Variants in FOXO3 observed in about 807,000 individuals in gnomAD.
FOXO3 encodes the protein forkhead box O3.
FOXO3 carries 4 observed loss-of-function variants against 41.9 expected under a neutral mutation model. The observed-to-expected ratio is 0.10, with a 90% confidence interval of 0.05 to 0.22. The LOEUF is 0.22. FOXO3 is among the 10% of genes least tolerant of loss of function. FOXO3 has a pLI of 1.00. For missense variants in FOXO3, 534 were observed against 906.8 expected, an observed-to-expected ratio of 0.59 and a Z score of 5.28; for synonymous variants, 318 against 389.3, an observed-to-expected ratio of 0.82 and a Z score of 2.16.
At chr6:108,618,812 TG>T (rs1003343486) in intron 1 of FOXO3, among the ~76,000 whole-genome samples, 2 of 152,204 alleles carry the variant, frequency 1.3e-5, no homozygotes, top group Non-Finnish European at 2.9e-5. Flanking sequence ...CCTTTTGTGC[TG>T]CTCTCTTCTC....
chr6:108,607,921 A>C (rs757320953), intron 1 of FOXO3, among the ~76,000 whole-genome samples: 56 of 152,348 alleles, frequency 3.7e-4, no homozygotes, highest in Middle Eastern at 3.4e-3. Flanking sequence ...ATGTTCTTTA[A>C]CAGTAGATTA....
At chr6:108,573,303 G>A (rs1776162260) in intron 1 of FOXO3, among the ~76,000 whole-genome samples, 1 of 151,768 alleles carries the variant, frequency 6.6e-6, no homozygotes, top group East Asian at 1.9e-4. Flanking sequence ...AAATAAATAA[G>A]TAAGTAAGTA....
chr6:108,599,556 C>G (rs1210037531), intron 1 of FOXO3, among the ~76,000 whole-genome samples: 1 of 152,122 alleles, frequency 6.6e-6, no homozygotes, highest in Non-Finnish European at 1.5e-5. Context: ...CATGCTTCTT[C>G]GTGGTCTTTT....
chr6:108,665,145 G>C (rs921678782), intron 2 of FOXO3, among the ~76,000 whole-genome samples: 4 of 152,176 alleles, frequency 2.6e-5, no homozygotes, highest in Non-Finnish European at 5.9e-5. Context: ...GAACACGTAC[G>C]CATTCAGAGA....
At chr6:108,646,690 G>A (rs1336760176) in intron 1 of FOXO3, among the ~76,000 whole-genome samples, 1 of 152,190 alleles carries the variant, frequency 6.6e-6, no homozygotes, top group Non-Finnish European at 1.5e-5. Context: ...AGGTTTTCTT[G>A]GAGATGGGAA....
intron 2 of FOXO3, among the ~76,000 whole-genome samples, chr6:108,668,985 G>A (rs1402748565): frequency 6.6e-6 from 1 of 152,068 alleles, no homozygotes; most frequent in East Asian, 1.9e-4. Flanking sequence ...GGTGGCGGGC[G>A]CCTGTAGTCC....
chr6:108,642,143 C>G (rs1160739175), intron 1 of FOXO3, among the ~76,000 whole-genome samples: 7 of 143,160 alleles, frequency 4.9e-5, no homozygotes, highest in Non-Finnish European at 1.1e-4. Flanking sequence ...GGCTAGAGTA[C>G]AGAGGCACGA....
intron 1 of FOXO3, among the ~76,000 whole-genome samples, chr6:108,575,370 T>A: frequency 6.7e-6 from 1 of 149,700 alleles, no homozygotes. Flanking sequence ...TTTATTTTAC[T>A]TAATACCTAA....
At chr6:108,616,052 A>G (rs1260726741) in intron 1 of FOXO3, among the ~76,000 whole-genome samples, 2 of 150,628 alleles carry the variant, frequency 1.3e-5, no homozygotes, top group African/African-American at 2.4e-5. Context: ...CAATGGCGCA[A>G]TCTTGGCTCA....
At chr6:108,639,673 T>G (rs2128378783) in intron 1 of FOXO3, 1 of 548,068 alleles carries the variant, frequency 1.8e-6, no homozygotes, top group Admixed American at 6.4e-5. Flanking sequence ...ATAAATAAAA[T>G]CCAGATACTG....
intron 2 of FOXO3, among the ~76,000 whole-genome samples, chr6:108,674,237 A>G (rs1191330371): frequency 2.6e-5 from 4 of 152,170 alleles, no homozygotes; most frequent in Non-Finnish European, 4.4e-5. Flanking sequence ...AGCAGTTGCA[A>G]TGAAAGGATG....
chr6:108,669,649 G>A (rs1779157911), intron 2 of FOXO3, among the ~76,000 whole-genome samples: 1 of 152,182 alleles, frequency 6.6e-6, no homozygotes, highest in Non-Finnish European at 1.5e-5. Context: ...GATCTTTTTA[G>A]TGTCGATGAG....
At chr6:108,635,691 G>A (rs111521454) in intron 1 of FOXO3, among the ~76,000 whole-genome samples, 3,186 of 152,262 alleles carry the variant, frequency 0.021, 109 homozygotes, top group African/African-American at 0.07. Context: ...CAGGGGTGGC[G>A]AAACGATTGG....
chr6:108,607,453 A>C (rs1444176632), intron 1 of FOXO3, among the ~76,000 whole-genome samples: 1 of 151,800 alleles, frequency 6.6e-6, no homozygotes, highest in African/African-American at 2.4e-5. Context: ...ATCTCAAAAA[A>C]AAAAAAAAAA....
intron 1 of FOXO3, among the ~76,000 whole-genome samples, chr6:108,631,858 A>G (rs886067450): frequency 1.3e-5 from 2 of 152,142 alleles, no homozygotes; most frequent in African/African-American, 4.8e-5. Context: ...CACATGTGAC[A>G]TTTGGATATT....
At chr6:108,670,979 A>T (rs534549847) in intron 2 of FOXO3, among the ~76,000 whole-genome samples, 3 of 152,352 alleles carry the variant, frequency 2.0e-5, no homozygotes, top group Admixed American at 2.0e-4. Context: ...GTGGGTAAAA[A>T]GGGTCCCTCC....
intron 1 of FOXO3, among the ~76,000 whole-genome samples, chr6:108,580,985 A>G (rs942935477): frequency 2.6e-5 from 4 of 152,250 alleles, no homozygotes; most frequent in Admixed American, 1.3e-4. Context: ...TCACAGATTC[A>G]GAAATGAGAC....
At chr6:108,675,814 G>A (rs1770566205) in intron 2 of FOXO3, among the ~76,000 whole-genome samples, 1 of 152,102 alleles carries the variant, frequency 6.6e-6, no homozygotes, top group African/African-American at 2.4e-5. Context: ...TTAGGGTCCT[G>A]TTCTGTTCTT....
chr6:108,567,917 G>T (rs536986667), intron 1 of FOXO3, among the ~76,000 whole-genome samples: 1 of 152,044 alleles, frequency 6.6e-6, no homozygotes, highest in Non-Finnish European at 1.5e-5. Flanking sequence ...GCATCGTGGC[G>T]CATGCCTGTA....
Sources: gnomAD v4.1 joint callset for allele counts (sites outside exome capture counted in the v4.1 genomes callset) on GRCh38, gnomAD v4.1.1 for gene constraint, MANE v1.5 for transcripts, NCBI Gene and HGNC (gene_info 2026-07-23, HGNC 2026-07-21) for gene names.